Variants in PPFIA2 observed in about 807,000 individuals in gnomAD.
PPFIA2 encodes the protein liprin-alpha-2.
In PPFIA2, 46 loss-of-function variants were observed where a neutral mutation model predicts 175.5. That is an observed-to-expected ratio of 0.26 (90% CI 0.21 to 0.34). The LOEUF is 0.34. PPFIA2 is among the 10% of genes least tolerant of loss of function. The pLI is 1.00. For missense variants in PPFIA2, 1,179 were observed against 1,506.1 expected, an observed-to-expected ratio of 0.78 and a Z score of 3.60; for synonymous variants, 568 against 511.4, an observed-to-expected ratio of 1.11 and a Z score of -1.49.
chr12:81,462,290 T>TATATATATGTTAGAAAAC (rs2054707928), intron 4 of PPFIA2, among the ~76,000 whole-genome samples: 1 of 143,354 alleles, frequency 7.0e-6, no homozygotes, highest in African/African-American at 2.6e-5. Context: ...AGAAAACATA[T>TATATATATGTTAGAAAAC]ATATATATAT....
At chr12:81,391,193 G>A (rs2040042253) in intron 8 of PPFIA2, among the ~76,000 whole-genome samples, 1 of 151,880 alleles carries the variant, frequency 6.6e-6, no homozygotes, top group Non-Finnish European at 1.5e-5. Flanking sequence ...AGAAAGCAGA[G>A]AATATCTTTG....
At chr12:81,634,542 G>T (rs1882533) in intron 4 of PPFIA2, among the ~76,000 whole-genome samples, 137,968 of 151,994 alleles carry the variant, frequency 0.91, 62,910 homozygotes, top group East Asian at 1. Flanking sequence ...TCTTAAACAT[G>T]AATTTTGTGT....
chr12:81,607,817 C>T (rs2060482469), intron 4 of PPFIA2, among the ~76,000 whole-genome samples: 3 of 152,156 alleles, frequency 2.0e-5, no homozygotes, highest in South Asian at 2.1e-4. Flanking sequence ...CTGGCTAAGA[C>T]TTCTCGTATT....
In PPFIA2 at chr12:81,588,853, A is replaced by G. The variant is rs191226533; in HGVS notation, c.303+87938T>C. On this transcript the variant is annotated intron_variant, in intron 4 of 32. Coordinates refer to ENST00000549396, the MANE Select transcript of PPFIA2 (RefSeq NM_003625.5). ...CTTTCTAACCACCTGGACTGTACTC[A>G]GTGTATTAAATACTTTATATCAAGA... is the stretch of plus-strand genomic sequence containing the variant. Among the ~76,000 whole-genome samples, 22 of 152,178 alleles carry G rather than the reference A, an allele frequency of 1.4e-4. 1 individual carries two copies. Among genetic ancestry groups the G allele is most frequent in the African/African-American group, 5.3e-4 (22 of 41,558 alleles).
At chr12:81,718,616 C>T (rs975085498) in intron 3 of PPFIA2, among the ~76,000 whole-genome samples, 3 of 151,688 alleles carry the variant, frequency 2.0e-5, no homozygotes, top group Non-Finnish European at 4.4e-5. Context: ...GAGATTTGTA[C>T]AGTGGAAAAT....
chr12:81,624,604 G>T (rs899649412), intron 4 of PPFIA2, among the ~76,000 whole-genome samples: 32 of 144,470 alleles, frequency 2.2e-4, no homozygotes, highest in Non-Finnish European at 4.4e-4. Flanking sequence ...ATATATTAAT[G>T]ATAATATATA....
In PPFIA2 at chr12:81,594,413, A is replaced by C. The variant is rs575019709; in HGVS notation, c.303+82378T>G. Among the ~76,000 whole-genome samples, 124 of 152,290 alleles carry C rather than the reference A, an allele frequency of 8.1e-4. 1 individual carries two copies. Among genetic ancestry groups the C allele is most frequent in the African/African-American group, 3.0e-3 (123 of 41,562 alleles). On this transcript the variant is annotated intron_variant, in intron 4 of 32. Coordinates refer to ENST00000549396, the MANE Select transcript of PPFIA2 (RefSeq NM_003625.5). ...AATGGCTAAACAAATAAATAAATAT[A>C]TCTTAAACAGAAATAATTCTTCTAT...
At chr12:81,464,582 T>C (rs1036231207) in intron 4 of PPFIA2, among the ~76,000 whole-genome samples, 1 of 152,162 alleles carries the variant, frequency 6.6e-6, no homozygotes, top group Non-Finnish European at 1.5e-5. Flanking sequence ...GTGAGTTTAA[T>C]GAAAAGAGGC....
chr12:81,669,719 G>C (rs2071056326), intron 4 of PPFIA2, among the ~76,000 whole-genome samples: 1 of 151,898 alleles, frequency 6.6e-6, no homozygotes, highest in South Asian at 2.1e-4. Context: ...TCTGGGTAAA[G>C]GGGACAGCAA....
rs142453404 is a variant in PPFIA2 at position 81,423,187 on chromosome 12, A to G, written c.645+16785T>C. ...CCTTCACAGATGAATTCTACCAAAC[A>G]CTGAAAGAGGAATTGATACCAACTC... On this transcript the variant is annotated intron_variant, in intron 7 of 32. Coordinates refer to ENST00000549396, the MANE Select transcript of PPFIA2 (RefSeq NM_003625.5). Among the ~76,000 whole-genome samples, 587 of 152,268 alleles carry G rather than the reference A, an allele frequency of 3.9e-3. 4 individuals are homozygous for G. The highest frequency in any genetic ancestry group is 0.013 in the African/African-American group (546 of 41,568).
intron 3 of PPFIA2, among the ~76,000 whole-genome samples, chr12:81,716,205 G>C (rs2078598991): frequency 6.6e-6 from 1 of 151,560 alleles, no homozygotes; most frequent in Non-Finnish European, 1.5e-5. Context: ...CATAAAGTTT[G>C]TTCTAGAATG....
chr12:81,437,882 C>T (rs937492913), intron 7 of PPFIA2, among the ~76,000 whole-genome samples: 11 of 151,750 alleles, frequency 7.2e-5, no homozygotes, highest in Non-Finnish European at 1.6e-4. Flanking sequence ...ACCTATTATT[C>T]CAGAGGTTCT....
intron 7 of PPFIA2, among the ~76,000 whole-genome samples, chr12:81,433,703 G>A (rs73356666): frequency 0.03 from 4,563 of 152,214 alleles, 215 homozygotes; most frequent in African/African-American, 0.1. Flanking sequence ...GAAAACACTA[G>A]TCAGAATGAA....
chr12:81,278,049 G>A (rs1318853895), intron 27 of PPFIA2, among the ~76,000 whole-genome samples: 1 of 152,132 alleles, frequency 6.6e-6, no homozygotes, highest in Non-Finnish European at 1.5e-5. Flanking sequence ...ACAAAAGATT[G>A]CAGATGGAAA....
At chr12:81,535,154 T>G (rs998700101) in intron 4 of PPFIA2, among the ~76,000 whole-genome samples, 5 of 151,736 alleles carry the variant, frequency 3.3e-5, no homozygotes, top group African/African-American at 1.2e-4. Context: ...TTGGGTGAAA[T>G]GTTGCCTAGT....
intron 19 of PPFIA2, among the ~76,000 whole-genome samples, chr12:81,342,973 AATAAT>A (rs869062677): frequency 1.3e-5 from 2 of 150,566 alleles, no homozygotes; most frequent in Non-Finnish European, 3.0e-5. Flanking sequence ...TAATAATAAT[AATAAT>A]AAATCATGTA....
At chr12:81,708,125 A>C (rs2153611495) in intron 3 of PPFIA2, among the ~76,000 whole-genome samples, 1 of 151,978 alleles carries the variant, frequency 6.6e-6, no homozygotes, top group Non-Finnish European at 1.5e-5. Flanking sequence ...ATACATATGT[A>C]ACTAACCTGC....
At chr12:81,361,837 G>A (rs1342382423) in intron 15 of PPFIA2, among the ~76,000 whole-genome samples, 6 of 151,544 alleles carry the variant, frequency 4.0e-5, no homozygotes, top group Non-Finnish European at 8.9e-5. Flanking sequence ...GTAGTGGAAA[G>A]TTTCAAACGG....
intron 14 of PPFIA2, among the ~76,000 whole-genome samples, chr12:81,363,855 T>C (rs1290562753): frequency 2.0e-5 from 3 of 151,938 alleles, no homozygotes; most frequent in Non-Finnish European, 4.4e-5. Context: ...TTCAATAGTT[T>C]CTTATTGATT....
Sources: gnomAD v4.1 joint callset for allele counts (sites outside exome capture counted in the v4.1 genomes callset) on GRCh38, gnomAD v4.1.1 for gene constraint, MANE v1.5 for transcripts, NCBI Gene and HGNC (gene_info 2026-07-23, HGNC 2026-07-21) for gene names.